The following C2orf74 variants were observed in gnomAD, a reference collection of about 807,000 sequenced individuals.
The protein encoded by C2orf74 is uncharacterized protein C2orf74.
C2orf74 carries 14 observed loss-of-function variants against 17.9 expected under a neutral mutation model. That is an observed-to-expected ratio of 0.78 (90% CI 0.52 to 1.22). The LOEUF (loss-of-function observed/expected upper bound fraction) is 1.22, where lower values mean the gene tolerates loss of function less well. Among genes scored for constraint, C2orf74 ranks in the 50% most tolerant of loss-of-function variants. The pLI is 0.00. For missense variants in C2orf74, 217 were observed against 218.4 expected (o/e 0.99, Z 0.04); for synonymous variants, 79 against 72.6 (o/e 1.09, Z -0.44).
chr2:61,151,540 T>C (rs1043446982), intron 1 of C2orf74: 4 of 151,634 alleles, frequency 2.6e-5, no homozygotes, highest in African/African-American at 9.7e-5. Context: ...ATCTGAAGAC[T>C]CATTTGGGGG....
chr2:61,159,243 G>A (rs1352529207), upstream of C2orf74: 1 of 348,906 alleles, frequency 2.9e-6, no homozygotes, highest in Non-Finnish European at 5.6e-6. Flanking sequence ...TGATCCTCCT[G>A]CCTTGGCCTC....
chr2:61,148,677 T>G (rs1685138643), intron 1 of C2orf74, among the ~76,000 whole-genome samples: 1 of 152,230 alleles, frequency 6.6e-6, no homozygotes, highest in Non-Finnish European at 1.5e-5. Context: ...GTTCTTTATA[T>G]ATTCTGAGTA....
Position 61,162,440 on chromosome 2 carries a change from C to A in C2orf74, c.-75C>A. 9.4e-7 allele frequency: 1 copy of A among 1,068,688 alleles called. No individual in the cohort carries two copies. Among genetic ancestry groups the A allele is most frequent in the Non-Finnish European group, 1.4e-6 (1 of 727,928 alleles). The allele number at this position is 1,068,688 out of a possible 1,614,324, so 66.2% of individuals were successfully genotyped here. On this transcript the variant is annotated 5_prime_UTR_variant, in exon 2 of 5. Coordinates refer to ENST00000432605, the MANE Select transcript of C2orf74 (RefSeq NM_001143959.4). ...GAAAACTTAAAGAACAAGAGAACTGCATTCAAATTGAGCTGGAAAAGAATA... is the reference window on the plus strand; with the variant it reads ...GAAAACTTAAAGAACAAGAGAACTGAATTCAAATTGAGCTGGAAAAGAATA...
chr2:61,149,996 A>G (rs1267556331), intron 1 of C2orf74, among the ~76,000 whole-genome samples: 1 of 152,154 alleles, frequency 6.6e-6, no homozygotes, highest in African/African-American at 2.4e-5. Flanking sequence ...CTGTTTGGAG[A>G]TGGCCTTTCC....
At position 61,162,488 on chromosome 2, in the gene C2orf74, G is replaced by C; in HGVS notation, c.-27G>C. On this transcript the variant is annotated 5_prime_UTR_variant, in exon 2 of 5. Coordinates refer to ENST00000432605, the MANE Select transcript of C2orf74 (RefSeq NM_001143959.4). Reference sequence around the variant, plus strand: ...ATATTTGGACAGTCTGTGATTGTGAGAGTGGATGAGTCTTCTAGCTAAACC... The same window carrying C: ...ATATTTGGACAGTCTGTGATTGTGACAGTGGATGAGTCTTCTAGCTAAACC... The C allele has an allele frequency of 6.7e-7, 1 of 1,503,692 alleles. No homozygotes were observed. The highest frequency in any genetic ancestry group is 9.0e-7 in the Non-Finnish European group (1 of 1,105,434). The allele number at this position is 1,503,692 out of a possible 1,614,324, so 93.1% of individuals were successfully genotyped here.
At chr2:61,163,494 C>T (rs1304413092) in intron 4 of C2orf74, among the ~76,000 whole-genome samples, 4 of 151,906 alleles carry the variant, frequency 2.6e-5, no homozygotes, top group African/African-American at 7.3e-5. Flanking sequence ...ATCCCAGCTA[C>T]TTGGGAGGCT....
chr2:61,148,474 A>G (rs1158668428), intron 1 of C2orf74, among the ~76,000 whole-genome samples: 2 of 152,142 alleles, frequency 1.3e-5, no homozygotes, highest in Admixed American at 1.3e-4. Flanking sequence ...GGCATCAGCC[A>G]TGCACCTGGC....
upstream of C2orf74, among the ~76,000 whole-genome samples, chr2:61,161,447 A>C (rs1685560910): frequency 6.6e-6 from 1 of 151,856 alleles, no homozygotes; most frequent in South Asian, 2.1e-4. Context: ...AAGTGTGTTA[A>C]ATTTTGTCAA....
chr2:61,158,020 GT>G (rs1290477141), upstream of C2orf74: 2 of 470,984 alleles, frequency 4.2e-6, no homozygotes, highest in Non-Finnish European at 8.8e-6. Flanking sequence ...GAGGTAGGCA[GT>G]AGGGCAGGAC....
At chr2:61,152,015 G>A (rs1685241574) in intron 1 of C2orf74, 1 of 152,332 alleles carries the variant, frequency 6.6e-6, no homozygotes, top group South Asian at 2.1e-4. Context: ...CCCTTTTGTG[G>A]ATTAGAGGTG....
At chr2:61,153,779 C>T (rs1469020188) in intron 1 of C2orf74, among the ~76,000 whole-genome samples, 1 of 151,288 alleles carries the variant, frequency 6.6e-6, no homozygotes, top group South Asian at 2.1e-4. Flanking sequence ...ATCCCAGCTA[C>T]TCAGGAGGCT....
intron 1 of C2orf74, among the ~76,000 whole-genome samples, chr2:61,146,265 G>A (rs531996695): frequency 6.6e-6 from 1 of 152,252 alleles, no homozygotes; most frequent in East Asian, 1.9e-4. Context: ...CTTACTAAGC[G>A]AAAAAAGCCC....
At chr2:61,148,891 ATT>A (rs1434091685) in intron 1 of C2orf74, among the ~76,000 whole-genome samples, 1 of 152,058 alleles carries the variant, frequency 6.6e-6, no homozygotes, top group Non-Finnish European at 1.5e-5. Flanking sequence ...TAAGTTTTGT[ATT>A]TTCAGTAGAG....
chr2:61,157,292 C>T (rs1685421751), upstream of C2orf74, among the ~76,000 whole-genome samples: 1 of 152,204 alleles, frequency 6.6e-6, no homozygotes, highest in Admixed American at 6.5e-5. Context: ...CCACCTGCCT[C>T]AGCCTCCCAA....
chr2:61,163,360 G>A, intron 4 of C2orf74, 128 bp downstream of exon 4: 1 of 1,021,364 alleles, frequency 9.8e-7, no homozygotes, highest in Non-Finnish European at 1.4e-6. Flanking sequence ...TGTAATCCCA[G>A]CATTTTGGGA....
At chr2:61,154,007 G>T (rs1685319921) in intron 1 of C2orf74, among the ~76,000 whole-genome samples, 1 of 152,210 alleles carries the variant, frequency 6.6e-6, no homozygotes, top group South Asian at 2.1e-4. Context: ...AAGAGGCTGA[G>T]GTGGGTGGAT....
chr2:61,150,718 T>A (rs1685200462), intron 1 of C2orf74, among the ~76,000 whole-genome samples: 1 of 151,744 alleles, frequency 6.6e-6, no homozygotes, highest in South Asian at 2.1e-4. Flanking sequence ...GAGCAGGAGG[T>A]AGAGGGGGCA....
chr2:61,147,755 G>A (rs1033632211), intron 1 of C2orf74, among the ~76,000 whole-genome samples: 3 of 151,926 alleles, frequency 2.0e-5, no homozygotes, highest in East Asian at 3.9e-4. Context: ...CAGTCTGTGG[G>A]TTGCCTTTTT....
intron 1 of C2orf74, among the ~76,000 whole-genome samples, chr2:61,150,194 A>C (rs533695366): frequency 6.6e-6 from 1 of 152,100 alleles, no homozygotes; most frequent in Non-Finnish European, 1.5e-5. Flanking sequence ...GTAAACTAAA[A>C]CTCAGCCACA....
Sources: gnomAD v4.1 joint callset for allele counts (sites outside exome capture counted in the v4.1 genomes callset) on GRCh38, gnomAD v4.1.1 for gene constraint, MANE v1.5 for transcripts, NCBI Gene and HGNC (gene_info 2026-07-23, HGNC 2026-07-21) for gene names.